The following BAZ2B variants were observed in gnomAD, a reference collection of about 807,000 sequenced individuals.
BAZ2B encodes the protein bromodomain adjacent to zinc finger domain protein 2B.
Under a neutral mutation model 246.0 loss-of-function variants are expected in BAZ2B, and 91 were observed. The observed-to-expected ratio is 0.37, with a 90% CI of 0.31 to 0.44. The LOEUF is 0.44. Among genes scored for constraint, BAZ2B ranks in the 20% least tolerant of loss-of-function variants. The probability of loss-of-function intolerance (pLI) is 1.00; values close to 1 mark genes in which losing one functional copy is unlikely to be tolerated. For missense variants in BAZ2B, 2,332 were observed against 2,533.7 expected (o/e 0.92, Z 1.71); for synonymous variants, 855 against 860.0 (o/e 0.99, Z 0.10).
rs766427316 is a variant in BAZ2B, at chr2:159,433,379, T to A, written c.1294-16A>T. 3 of 1,581,222 alleles carry A rather than the reference T, an allele frequency of 1.9e-6. No homozygotes were observed. Among genetic ancestry groups the A allele is most frequent in the Admixed American group, 3.8e-5 (2 of 53,122 alleles). ...TATATTGTTCCTGTTGAAACATAAG[T>A]TAAAAAACACAACAAAATGTACCAC... On this transcript the variant is annotated splice_polypyrimidine_tract_variant and intron_variant, in intron 8 of 36. Transcript: ENST00000392783.
At chr2:159,371,333 G>A (rs553927683) in intron 27 of BAZ2B, among the ~76,000 whole-genome samples, 1 of 151,788 alleles carries the variant, frequency 6.6e-6, no homozygotes, top group Non-Finnish European at 1.5e-5. Flanking sequence ...TGCTAGAGAC[G>A]GGGCTTTGCC....
chr2:159,453,404 C>A (rs1296019738), intron 4 of BAZ2B, among the ~76,000 whole-genome samples: 2 of 152,282 alleles, frequency 1.3e-5, no homozygotes, highest in East Asian at 3.9e-4. Flanking sequence ...TAGTTAAATA[C>A]CTGGATATCT....
At chr2:159,526,279 TG>T (rs1010540237) in intron 2 of BAZ2B, among the ~76,000 whole-genome samples, 1 of 152,112 alleles carries the variant, frequency 6.6e-6, no homozygotes, top group Non-Finnish European at 1.5e-5. Context: ...TCACATAAAC[TG>T]GTACAATTAT....
chr2:159,404,285 T>C (rs2065555034), intron 16 of BAZ2B: 1 of 151,932 alleles, frequency 6.6e-6, no homozygotes, highest in African/African-American at 2.4e-5. Context: ...TTCTCTTACC[T>C]AAACTTAATT....
At chr2:159,359,615 C>A (rs536956971) in intron 27 of BAZ2B, among the ~76,000 whole-genome samples, 4 of 152,078 alleles carry the variant, frequency 2.6e-5, no homozygotes, top group African/African-American at 9.7e-5. Context: ...ATAAGGCCAG[C>A]GTCAATACCT....
At chr2:159,396,988 G>A in intron 19 of BAZ2B, 1 of 1,089,738 alleles carries the variant, frequency 9.2e-7, no homozygotes, top group South Asian at 1.4e-5. Context: ...AGCAGCCAGT[G>A]CTACACTTTA....
chr2:159,424,066 A>G (rs1230885690), intron 13 of BAZ2B, among the ~76,000 whole-genome samples: 1 of 152,216 alleles, frequency 6.6e-6, no homozygotes, highest in Non-Finnish European at 1.5e-5. Context: ...ATCAAACTAC[A>G]TGCTTAAAAA....
At chr2:159,577,893 A>G (rs1559820198) in intron 1 of BAZ2B, among the ~76,000 whole-genome samples, 1 of 152,194 alleles carries the variant, frequency 6.6e-6, no homozygotes, top group Non-Finnish European at 1.5e-5. Flanking sequence ...ATTATTCAAC[A>G]TGAGAAAAGA....
At chr2:159,440,694 A>G (rs931618563) in intron 6 of BAZ2B, among the ~76,000 whole-genome samples, 19 of 152,094 alleles carry the variant, frequency 1.2e-4, no homozygotes, top group African/African-American at 4.6e-4. Flanking sequence ...TATTTTTAGT[A>G]GAGACGGGGT....
chr2:159,505,745 C>T (rs186273098), intron 2 of BAZ2B, among the ~76,000 whole-genome samples: 1 of 152,228 alleles, frequency 6.6e-6, no homozygotes, highest in East Asian at 1.9e-4. Flanking sequence ...ATATAGAATT[C>T]ATCATCATCT....
intron 27 of BAZ2B, among the ~76,000 whole-genome samples, chr2:159,359,802 C>T (rs113564813): frequency 0.013 from 1,985 of 152,208 alleles, 49 homozygotes; most frequent in East Asian, 0.07. Flanking sequence ...TGTTTCAACA[C>T]ATGGAAATCA....
intron 30 of BAZ2B, 138 bp from the exon 31 acceptor site, chr2:159,347,784 C>G (rs1417888340): frequency 2.9e-6 from 2 of 680,118 alleles, no homozygotes; most frequent in African/African-American, 3.6e-5. Flanking sequence ...TGTGTATGTA[C>G]AGGCAGCTTA....
At chr2:159,676,952 T>TTATA in the BAZ2B span, among the ~76,000 whole-genome samples, 3,706 of 116,742 alleles carry the variant, frequency 0.032, 72 homozygotes, top group Non-Finnish European at 0.038. Flanking sequence ...AATAGTTTTG[T>TTATA]TATATATATA....
chr2:159,501,470 G>A (rs998964271), intron 2 of BAZ2B, among the ~76,000 whole-genome samples: 3 of 150,632 alleles, frequency 2.0e-5, no homozygotes, highest in African/African-American at 7.3e-5. Context: ...GTTAAACACA[G>A]TGATATCATG....
intron 2 of BAZ2B, among the ~76,000 whole-genome samples, chr2:159,496,721 T>A (rs2081195940): frequency 7.1e-6 from 1 of 140,550 alleles, no homozygotes; most frequent in Admixed American, 7.8e-5. Context: ...AGGTGGATGT[T>A]GCGGTGAGCC....
chr2:159,442,257 G>A (rs1054279048), intron 6 of BAZ2B, among the ~76,000 whole-genome samples: 7 of 152,076 alleles, frequency 4.6e-5, no homozygotes, highest in Non-Finnish European at 7.4e-5. Context: ...CTTTCAAGAC[G>A]GGAAACAGCA....
chr2:159,663,667 A>T, the BAZ2B span, among the ~76,000 whole-genome samples: 1 of 151,336 alleles, frequency 6.6e-6, no homozygotes, highest in Non-Finnish European at 1.5e-5. Flanking sequence ...TTACAGGCAC[A>T]TGCCACCACG....
the BAZ2B span, among the ~76,000 whole-genome samples, chr2:159,622,119 ACTAG>A: frequency 6.6e-6 from 1 of 151,548 alleles, no homozygotes; most frequent in African/African-American, 2.4e-5. Context: ...AAAAAAAAAA[ACTAG>A]CTAGGCATGG....
the BAZ2B span, among the ~76,000 whole-genome samples, chr2:159,633,989 C>T: frequency 6.6e-6 from 1 of 152,118 alleles, no homozygotes; most frequent in South Asian, 2.1e-4. Context: ...ATCTACCCAC[C>T]TCGGGCTCCC....
Sources: allele counts gnomAD v4.1 joint callset (sites outside exome capture counted in the v4.1 genomes callset), GRCh38; gene constraint gnomAD v4.1.1; transcripts MANE v1.5; gene names NCBI Gene and HGNC (gene_info 2026-07-23, HGNC 2026-07-21).